Variants in RGS6 observed in about 807,000 individuals in gnomAD.
The protein encoded by RGS6 is regulator of G-protein signaling 6.
RGS6 carries 30 observed loss-of-function variants against 78.5 expected under a neutral mutation model. The observed-to-expected ratio is 0.38, with a 90% confidence interval of 0.29 to 0.52. The LOEUF is 0.52. Among genes scored for constraint, RGS6 ranks in the 20% least tolerant of loss-of-function variants. The probability of loss-of-function intolerance (pLI) is 0.85; values close to 1 mark genes in which losing one functional copy is unlikely to be tolerated. For missense variants in RGS6, 495 were observed against 609.7 expected (o/e 0.81, Z 1.98); for synonymous variants, 206 against 206.0 (o/e 1.00, Z 0.00).
intron 2 of RGS6, among the ~76,000 whole-genome samples, chr14:72,291,440 A>G (rs189498406): frequency 1.2e-4 from 19 of 152,258 alleles, no homozygotes; most frequent in Admixed American, 2.0e-4. Flanking sequence ...CCTCTACAGC[A>G]TTGCTGCACA....
chr14:72,533,052 A>C (rs570067878), intron 15 of RGS6, among the ~76,000 whole-genome samples: 1 of 152,246 alleles, frequency 6.6e-6, no homozygotes, highest in East Asian at 1.9e-4. Context: ...TAGGGTTTTC[A>C]TAGCTAGAGA....
intron 2 of RGS6, among the ~76,000 whole-genome samples, chr14:72,234,314 C>G (rs1334452164): frequency 6.6e-6 from 1 of 151,622 alleles, no homozygotes; most frequent in African/African-American, 2.4e-5. Flanking sequence ...ATTTGCATAA[C>G]CAGAGGTGAA....
chr14:72,471,993 A>G (rs150370527), intron 8 of RGS6, among the ~76,000 whole-genome samples: 1 of 152,222 alleles, frequency 6.6e-6, no homozygotes, highest in Non-Finnish European at 1.5e-5. Flanking sequence ...TGATTACATT[A>G]TAATTGTGGG....
rs151070173 is a variant in RGS6 at position 72,240,870 on chromosome 14, C to T, written c.85-111225C>T. ...TAGCTAATTCCTACAATTAAACTTA[C>T]GCCTTTGGCCAGGCGCGGTGGCTCA... On this transcript the variant is annotated intron_variant, in intron 2 of 17. Coordinates refer to ENST00000553525, the MANE Select transcript of RGS6 (RefSeq NM_001204424.2). 4.6e-3 allele frequency among the ~76,000 whole-genome samples: 695 copies of T among 152,170 alleles called. 5 individuals carry two copies. The highest frequency in any genetic ancestry group is 0.016 in the African/African-American group (665 of 41,534).
chr14:72,465,172 A>G (rs1373735372), intron 6 of RGS6, among the ~76,000 whole-genome samples: 1 of 152,220 alleles, frequency 6.6e-6, no homozygotes, highest in Non-Finnish European at 1.5e-5. Flanking sequence ...GAAGAAGTTG[A>G]TGAGATAAGC....
chr14:72,050,749 C>T (rs980240933), intron 2 of RGS6, among the ~76,000 whole-genome samples: 6 of 152,180 alleles, frequency 3.9e-5, no homozygotes, highest in Non-Finnish European at 7.4e-5. Context: ...TTTTTTAAAC[C>T]AAACATGAAT....
intron 2 of RGS6, among the ~76,000 whole-genome samples, chr14:72,238,387 G>A (rs910864898): frequency 4.6e-5 from 7 of 152,126 alleles, no homozygotes; most frequent in African/African-American, 7.2e-5. Flanking sequence ...CCAGGAAACT[G>A]CCCTCTTCTA....
intron 2 of RGS6, among the ~76,000 whole-genome samples, chr14:71,997,424 G>A (rs4243640): frequency 0.69 from 105,254 of 152,068 alleles, 36,865 homozygotes; most frequent in East Asian, 0.78. Flanking sequence ...GAGGGTCAGG[G>A]CTTCATAGCC....
At chr14:71,889,442 A>G in the RGS6 span, among the ~76,000 whole-genome samples, 1 of 152,054 alleles carries the variant, frequency 6.6e-6, no homozygotes, top group African/African-American at 2.4e-5. Context: ...CCCTAAATGC[A>G]ATGGAGAGTC....
intron 2 of RGS6, among the ~76,000 whole-genome samples, chr14:72,281,299 C>A (rs897422885): frequency 7.2e-5 from 11 of 152,004 alleles, no homozygotes; most frequent in African/African-American, 2.7e-4. Flanking sequence ...CAGGTACCTG[C>A]CACCATGCCC....
intron 15 of RGS6, among the ~76,000 whole-genome samples, chr14:72,528,619 G>A (rs940585136): frequency 2.0e-5 from 3 of 152,144 alleles, no homozygotes; most frequent in Non-Finnish European, 4.4e-5. Context: ...GTTGTAGAAA[G>A]AGAAAGAGAG....
At chr14:71,928,727 C>A (rs538104712), upstream of RGS6, among the ~76,000 whole-genome samples, 8 of 152,284 alleles carry the variant, frequency 5.3e-5, no homozygotes, top group South Asian at 1.7e-3. Context: ...AATATTATTT[C>A]ACTTGATACT....
chr14:72,228,874 T>C (rs1270626347), intron 2 of RGS6, among the ~76,000 whole-genome samples: 1 of 152,166 alleles, frequency 6.6e-6, no homozygotes, highest in East Asian at 1.9e-4. Context: ...ACCAAGATGG[T>C]AAAACTCCGT....
chr14:72,218,862 G>T (rs894858098), intron 2 of RGS6, among the ~76,000 whole-genome samples: 21 of 151,926 alleles, frequency 1.4e-4, no homozygotes, highest in Admixed American at 6.6e-5. Flanking sequence ...CACCCACCTT[G>T]GCCTTCCAAA....
intron 2 of RGS6, among the ~76,000 whole-genome samples, chr14:72,194,791 G>A (rs2039632534): frequency 6.6e-6 from 1 of 152,236 alleles, no homozygotes; most frequent in Non-Finnish European, 1.5e-5. Context: ...CCCTGGGGCA[G>A]GGGAGCAGCT....
chr14:71,992,436 G>A (rs372735928), intron 2 of RGS6, among the ~76,000 whole-genome samples: 18 of 149,792 alleles, frequency 1.2e-4, no homozygotes, highest in East Asian at 1.2e-3. Flanking sequence ...CTTACTCTGC[G>A]CTTGCAACAT....
chr14:72,046,283 A>G (rs953366090), intron 2 of RGS6, among the ~76,000 whole-genome samples: 9 of 151,040 alleles, frequency 6.0e-5, no homozygotes, highest in Admixed American at 1.3e-4. Context: ...CATGACACAT[A>G]CACACACCTC....
At chr14:72,115,317 A>C (rs927407779) in intron 2 of RGS6, among the ~76,000 whole-genome samples, 1 of 152,160 alleles carries the variant, frequency 6.6e-6, no homozygotes, top group Non-Finnish European at 1.5e-5. Flanking sequence ...TGATGCTGGG[A>C]CCTGAGGCCA....
chr14:72,516,435 T>C (rs1216276021), intron 14 of RGS6, among the ~76,000 whole-genome samples: 1 of 152,174 alleles, frequency 6.6e-6, no homozygotes, highest in Non-Finnish European at 1.5e-5. Context: ...CCACCCTCTC[T>C]GGACTCTGGA....
Sources: gnomAD v4.1 joint callset for allele counts (sites outside exome capture counted in the v4.1 genomes callset) on GRCh38, gnomAD v4.1.1 for gene constraint, MANE v1.5 for transcripts, NCBI Gene and HGNC (gene_info 2026-07-23, HGNC 2026-07-21) for gene names.